FAR2: variants seen among roughly 807,000 people sequenced by gnomAD.
FAR2 encodes the protein fatty acyl-CoA reductase 2, also known as epididymis secretory protein Li 81.
Under a neutral mutation model 56.0 loss-of-function variants are expected in FAR2, and 19 were observed. The ratio of observed to expected loss-of-function variants is 0.34; its 90% CI spans 0.24 to 0.50. The LOEUF (loss-of-function observed/expected upper bound fraction) is 0.50, where lower values mean the gene tolerates loss of function less well. Among genes scored for constraint, FAR2 ranks in the 20% least tolerant of loss-of-function variants. The pLI is 0.98. For synonymous variants in FAR2, 219 were observed against 218.8 expected (o/e 1.00, Z -0.01); for missense variants, 508 against 642.2 (o/e 0.79, Z 2.26).
chr12:29,245,315 A>G (rs1948110436), intron 1 of FAR2, among the ~76,000 whole-genome samples: 1 of 152,064 alleles, frequency 6.6e-6, no homozygotes, highest in Non-Finnish European at 1.5e-5. Context: ...TCCCAATAAT[A>G]TTGTTCTTAC....
chr12:29,312,280 C>T (rs1340892617), intron 8 of FAR2, among the ~76,000 whole-genome samples: 1 of 152,138 alleles, frequency 6.6e-6, no homozygotes, highest in Non-Finnish European at 1.5e-5. Flanking sequence ...CCTGTTGGAG[C>T]AATGGCTCCT....
At chr12:29,295,363 C>T (rs1177452819) in intron 3 of FAR2, among the ~76,000 whole-genome samples, 1 of 152,098 alleles carries the variant, frequency 6.6e-6, no homozygotes, top group African/African-American at 2.4e-5. Flanking sequence ...CGTGAGCCAC[C>T]GTGCCCAGCC....
At chr12:29,220,227 T>G (rs1947670330) in intron 1 of FAR2, among the ~76,000 whole-genome samples, 1 of 152,192 alleles carries the variant, frequency 6.6e-6, no homozygotes, top group Non-Finnish European at 1.5e-5. Context: ...GACCCTTTCT[T>G]GGTTACATTT....
At position 29,234,829 on chromosome 12, in the gene FAR2, G is replaced by C. The variant is rs191488545; in HGVS notation, c.-38-35583G>C. The stretch of plus-strand genomic sequence containing the variant: ...CCTCAGAAAACCATTTCATGATTCT[G>C]CCTTCAATATCTGTTAAATGCCCAT... On this transcript the variant is annotated intron_variant, in intron 1 of 11. Transcript: ENST00000536681. 1.8e-3 allele frequency among the ~76,000 whole-genome samples: 267 copies of C among 152,224 alleles called. 2 individuals are homozygous for C. The highest frequency in any genetic ancestry group is 6.2e-3 in the African/African-American group (259 of 41,536).
At chr12:29,294,421 C>G (rs554518410) in intron 3 of FAR2, among the ~76,000 whole-genome samples, 273 of 151,778 alleles carry the variant, frequency 1.8e-3, no homozygotes, top group African/African-American at 6.3e-3. Context: ...GATCTTGGCT[C>G]ACTGCAACCT....
At chr12:29,238,557 T>G (rs1014256671) in intron 1 of FAR2, among the ~76,000 whole-genome samples, 4 of 152,230 alleles carry the variant, frequency 2.6e-5, no homozygotes, top group African/African-American at 9.6e-5. Context: ...TAATACATTT[T>G]AAGAGTATAG....
At chr12:29,234,394 C>T (rs1591875781) in intron 1 of FAR2, among the ~76,000 whole-genome samples, 1 of 152,102 alleles carries the variant, frequency 6.6e-6, no homozygotes. Flanking sequence ...TCAGCCTCAC[C>T]TTCTACATCC....
chr12:29,166,242 G>A lies in FAR2; in HGVS notation c.-39+16835G>A, dbSNP rs142611384. ...TATTGACAGTATCTAAGACTGATAA[G>A]GTCTTTTGTGTGTGTGTGTACAGAC... is the stretch of plus-strand genomic sequence containing the variant. On this transcript the variant is annotated intron_variant, in intron 1 of 11. Coordinates refer to ENST00000536681, the MANE Select transcript of FAR2 (RefSeq NM_001271783.2). 2.2e-4 allele frequency among the ~76,000 whole-genome samples: 33 copies of A among 152,300 alleles called. No homozygotes were observed. The East Asian group carries it at 6.2e-3, about 29-fold the overall frequency.
chr12:29,253,185 C>CTCCA (rs1174132610), intron 1 of FAR2, among the ~76,000 whole-genome samples: 55 of 99,636 alleles, frequency 5.5e-4, no homozygotes, highest in South Asian at 1.2e-3. Context: ...CTATCTCTCT[C>CTCCA]TCTATCTATC....
rs1340635728 is a variant in FAR2 at position 29,149,382 on chromosome 12, A to G, written c.-64A>G. 1 of 152,304 alleles carries G rather than the reference A, an allele frequency of 6.6e-6. No individual in the cohort carries two copies. Among genetic ancestry groups the G allele is most frequent in the Non-Finnish European group, 1.5e-5 (1 of 68,120 alleles). The allele number at this position is 152,304 out of a possible 1,614,324, so 9.4% of individuals were successfully genotyped here. On this transcript the variant is annotated 5_prime_UTR_variant, in exon 1 of 12. Coordinates refer to ENST00000536681, the MANE Select transcript of FAR2 (RefSeq NM_001271783.2). ...CAGGATTTAGAGGACCACTAGTTGG[A>G]CCCCATCCTCGTGCTGGAGGAACAG...
chr12:29,201,020 G>C (rs1453148425), intron 1 of FAR2, among the ~76,000 whole-genome samples: 1 of 152,118 alleles, frequency 6.6e-6, no homozygotes, highest in Non-Finnish European at 1.5e-5. Flanking sequence ...GTCTGCAAGG[G>C]ACAGACTCCC....
At chr12:29,180,227 A>G (rs1949979205) in intron 1 of FAR2, among the ~76,000 whole-genome samples, 2 of 152,238 alleles carry the variant, frequency 1.3e-5, no homozygotes, top group South Asian at 4.1e-4. Context: ...TATATGAAGC[A>G]AAAGATATTG....
intron 1 of FAR2, among the ~76,000 whole-genome samples, chr12:29,200,410 C>T (rs1036787988): frequency 2.0e-5 from 3 of 152,122 alleles, no homozygotes; most frequent in East Asian, 3.9e-4. Flanking sequence ...AAGAGTGGCA[C>T]GGCTGTCAAC....
At chr12:29,259,470 T>C (rs1842635675) in intron 1 of FAR2, among the ~76,000 whole-genome samples, 1 of 152,238 alleles carries the variant, frequency 6.6e-6, no homozygotes, top group Non-Finnish European at 1.5e-5. Context: ...TTGTCTTTCT[T>C]ATGCGTTTGA....
At chr12:29,282,484 G>A (rs1346778424) in intron 2 of FAR2, 1 of 152,178 alleles carries the variant, frequency 6.6e-6, no homozygotes, top group South Asian at 2.1e-4. Context: ...GTAGGGCCTG[G>A]TATAGCTTTT....
At chr12:29,169,798 G>C (rs955827374) in intron 1 of FAR2, among the ~76,000 whole-genome samples, 14 of 152,182 alleles carry the variant, frequency 9.2e-5, no homozygotes, top group African/African-American at 3.1e-4. Flanking sequence ...GTTTGTAGTA[G>C]TAGGATAATG....
rs143084519 is a variant in FAR2, at chr12:29,258,112, G to A, written c.-38-12300G>A. On this transcript the variant is annotated intron_variant, in intron 1 of 11. Transcript: ENST00000536681. Reference sequence around the variant, plus strand: ...TAATTCCAGCACTTTGGGAGGCTGAGGCGGGTGGATCACCTGAGGTCAGGA... The same window carrying A: ...TAATTCCAGCACTTTGGGAGGCTGAAGCGGGTGGATCACCTGAGGTCAGGA... Among the ~76,000 whole-genome samples the A allele has an allele frequency of 4.9e-3, 747 of 152,076 alleles. 11 individuals carry two copies. The East Asian group carries it at 0.064, about 13-fold the overall frequency.
chr12:29,322,720 C>G lies in FAR2; in HGVS notation c.1257+796C>G, dbSNP rs181314992. Among the ~76,000 whole-genome samples the G allele has an allele frequency of 9.1e-4, 139 of 152,254 alleles. 1 individual carries two copies. Among genetic ancestry groups the G allele is most frequent in the Admixed American group, 2.2e-3 (34 of 15,302 alleles). ...TTGATTGACATTTCCCACTAAGAAA[C>G]AATTTTCTAAAATGTATCTTTTGTT... On this transcript the variant is annotated intron_variant, in intron 10 of 11. Transcript: ENST00000536681.
In FAR2 at chr12:29,200,084, CA is replaced by C. The variant is rs113925822; in HGVS notation, c.-39+50680del. Reference sequence around the variant, plus strand: ...TCAGTAGTTTCATTAAAAATGAAAACAAACAAGGGTTAAGGGTGGCACTTAA... The same window carrying C: ...TCAGTAGTTTCATTAAAAATGAAAACAACAAGGGTTAAGGGTGGCACTTAA... On this transcript the variant is annotated intron_variant, in intron 1 of 11. Coordinates refer to ENST00000536681, the MANE Select transcript of FAR2 (RefSeq NM_001271783.2). 3.1e-3 allele frequency among the ~76,000 whole-genome samples: 479 copies of C among 152,178 alleles called. 1 individual carries two copies. The highest frequency in any genetic ancestry group is 0.011 in the African/African-American group (456 of 41,516).
Sources: allele counts gnomAD v4.1 joint callset (sites outside exome capture counted in the v4.1 genomes callset), GRCh38; gene constraint gnomAD v4.1.1; transcripts MANE v1.5; gene names NCBI Gene and HGNC (gene_info 2026-07-23, HGNC 2026-07-21).